ANO3: variants seen among roughly 807,000 people sequenced by gnomAD.
ANO3 encodes anoctamin 3.
Under a neutral mutation model 144.8 loss-of-function variants are expected in ANO3, and 99 were observed. That is an observed-to-expected ratio of 0.68 (90% CI 0.58 to 0.81). The LOEUF is 0.81. ANO3 is among the 30% of genes least tolerant of loss of function. The probability of loss-of-function intolerance (pLI) is 0.00; values close to 1 mark genes in which losing one functional copy is unlikely to be tolerated. For synonymous variants in ANO3, 414 were observed against 392.6 expected (o/e 1.05, Z -0.64); for missense variants, 905 against 1,202.2 (o/e 0.75, Z 3.66).
At chr11:26,314,595 TTTTC>T (rs1854579337) in intron 1 of ANO3, among the ~76,000 whole-genome samples, 1 of 152,104 alleles carries the variant, frequency 6.6e-6, no homozygotes, top group African/African-American at 2.4e-5. Flanking sequence ...CCCTCCTTCT[TTTTC>T]TTTCTTTGTC....
chr11:26,368,557 A>G lies in ANO3; in HGVS notation c.46+36236A>G, dbSNP rs566746738. Reference sequence around the variant, plus strand: ...TGTGTAAGGAAAGGAAGGAAGATGGAAAGAGAAAAAAGAAAGGGTGGGGGA... The same window carrying G: ...TGTGTAAGGAAAGGAAGGAAGATGGGAAGAGAAAAAAGAAAGGGTGGGGGA... On this transcript the variant is annotated intron_variant, in intron 1 of 26. Coordinates refer to ENST00000256737, the MANE Select transcript of ANO3 (RefSeq NM_031418.4). Among the ~76,000 whole-genome samples the G allele has an allele frequency of 3.9e-5, 6 of 152,228 alleles. No individual in the cohort carries two copies. In the South Asian group the frequency reaches 1.0e-3, roughly 26 times the overall value.
At chr11:26,657,134 CT>C (rs1306310880) in intron 26 of ANO3, among the ~76,000 whole-genome samples, 1 of 152,088 alleles carries the variant, frequency 6.6e-6, no homozygotes, top group African/African-American at 2.4e-5. Context: ...AATAAAAAGA[CT>C]TTAAATGAAT....
At chr11:26,371,411 C>G (rs976327590) in intron 1 of ANO3, among the ~76,000 whole-genome samples, 2 of 152,212 alleles carry the variant, frequency 1.3e-5, no homozygotes, top group African/African-American at 4.8e-5. Flanking sequence ...TGGAGAACCT[C>G]TGCAGTGTGG....
intron 4 of ANO3, among the ~76,000 whole-genome samples, chr11:26,493,399 A>G (rs1011684643): frequency 2.6e-5 from 4 of 152,176 alleles, no homozygotes; most frequent in Non-Finnish European, 5.9e-5. Flanking sequence ...TCCAGGGCCA[A>G]TATTGGCTAA....
At chr11:26,471,244 A>G (rs1859771760) in intron 4 of ANO3, among the ~76,000 whole-genome samples, 2 of 151,926 alleles carry the variant, frequency 1.3e-5, no homozygotes, top group African/African-American at 4.8e-5. Flanking sequence ...GTCCAGTTCA[A>G]TCTCTGAGAT....
At chr11:26,523,186 C>T (rs1280115289) in intron 6 of ANO3, among the ~76,000 whole-genome samples, 1 of 152,126 alleles carries the variant, frequency 6.6e-6, no homozygotes, top group Non-Finnish European at 1.5e-5. Flanking sequence ...ATCATGAGAA[C>T]AGCTTGGGGG....
chr11:26,353,967 A>C (rs1360318964), intron 1 of ANO3, among the ~76,000 whole-genome samples: 2 of 152,236 alleles, frequency 1.3e-5, no homozygotes, highest in Non-Finnish European at 2.9e-5. Context: ...ATTGCCTGAC[A>C]CACAGTTGAT....
intron 19 of ANO3, among the ~76,000 whole-genome samples, chr11:26,634,724 T>C (rs1051103862): frequency 1.1e-4 from 16 of 152,224 alleles, no homozygotes; most frequent in African/African-American, 3.9e-4. Context: ...TGCAGCACAT[T>C]ATTGTAATAG....
At chr11:26,598,484 G>GTTTCCCTATTACAGGATATCC in intron 15 of ANO3, 37 bp downstream of exon 15, 1 of 1,406,160 alleles carries the variant, frequency 7.1e-7, no homozygotes, top group South Asian at 1.3e-5. Flanking sequence ...GGGAAACTGG[G>GTTTCCCTATTACAGGATATCC]CTATTACAGG....
intron 1 of ANO3, among the ~76,000 whole-genome samples, chr11:26,259,630 C>T (rs1334913547): frequency 6.6e-6 from 1 of 151,352 alleles, no homozygotes; most frequent in African/African-American, 2.4e-5. Flanking sequence ...GATCATGCCA[C>T]TGCACTCCAG....
In ANO3 at chr11:26,612,864, A is replaced by G. The variant is rs1383512259; in HGVS notation, c.1837-11598A>G. Among the ~76,000 whole-genome samples, 7 of 152,202 alleles carry G rather than the reference A, an allele frequency of 4.6e-5. No individual in the cohort carries two copies. In the East Asian group the frequency reaches 1.2e-3, roughly 25 times the overall value. Reference sequence around the variant, plus strand: ...GCAGTTTCTGTTGAGAAATCTGCTGATAGTCTAATAGGGGCTTCCTTTATA... The same window carrying G: ...GCAGTTTCTGTTGAGAAATCTGCTGGTAGTCTAATAGGGGCTTCCTTTATA... On this transcript the variant is annotated intron_variant, in intron 17 of 26. Transcript: ENST00000256737.
At chr11:26,460,417 AAAG>A (rs1859346735) in intron 3 of ANO3, among the ~76,000 whole-genome samples, 5 of 23,826 alleles carry the variant, frequency 2.1e-4, no homozygotes, top group African/African-American at 6.3e-4. Context: ...AAAGAAGAAG[AAAG>A]GGGGGGGGGC....
At chr11:26,648,431 G>C (rs893115941) in intron 24 of ANO3, among the ~76,000 whole-genome samples, 1 of 152,128 alleles carries the variant, frequency 6.6e-6, no homozygotes, top group African/African-American at 2.4e-5. Flanking sequence ...TGACGTTTTA[G>C]ATCAGGTAAT....
chr11:26,641,676 T>G (rs1045946723), intron 21 of ANO3, among the ~76,000 whole-genome samples: 1 of 152,174 alleles, frequency 6.6e-6, no homozygotes, highest in Non-Finnish European at 1.5e-5. Flanking sequence ...TACTCTCCTA[T>G]GCTAAAGTTT....
intron 24 of ANO3, among the ~76,000 whole-genome samples, chr11:26,648,191 A>G (rs893089550): frequency 8.3e-4 from 126 of 152,124 alleles, no homozygotes; most frequent in African/African-American, 2.9e-3. Context: ...TTCTTACCGT[A>G]TAGATGGGGA....
Position 26,189,275 on chromosome 11 carries a change from ACT to A in ANO3, c.104_105del (p.Ser35TrpfsTer2), listed in dbSNP as rs1466219741. 5 of 984,902 alleles carry A rather than the reference ACT, an allele frequency of 5.1e-6. No homozygotes were observed. The highest frequency in any genetic ancestry group is 1.8e-5 in the African/African-American group (1 of 57,096). The allele number at this position is 984,902 out of a possible 1,614,324, so 61.0% of individuals were successfully genotyped here. On this transcript the variant is annotated frameshift_variant, in exon 1 of 28. Coordinates refer to the ANO3 transcript ENST00000672621. LOFTEE classifies it high-confidence loss of function. ...GTTTTGCTTTACCCTGTTTGACTGAACTCTCTGGTGATTCTAGTCAACTGGAA... is the reference window on the plus strand; with the variant it reads ...GTTTTGCTTTACCCTGTTTGACTGAACTCTGGTGATTCTAGTCAACTGGAA...
chr11:26,430,247 TA>T (rs11439260), intron 1 of ANO3, among the ~76,000 whole-genome samples: 12 of 144,992 alleles, frequency 8.3e-5, no homozygotes, highest in African/African-American at 1.5e-4. Flanking sequence ...AGCAACTGTC[TA>T]AAAAAAAAAA....
At chr11:26,641,228 T>C (rs1286205652) in intron 21 of ANO3, among the ~76,000 whole-genome samples, 2 of 152,226 alleles carry the variant, frequency 1.3e-5, no homozygotes, top group Non-Finnish European at 2.9e-5. Flanking sequence ...ACAGACTTAT[T>C]GCCTAGTAAT....
intron 1 of ANO3, among the ~76,000 whole-genome samples, chr11:26,338,253 T>C (rs1855245267): frequency 6.6e-6 from 1 of 152,160 alleles, no homozygotes. Context: ...TAGAGGATTG[T>C]AAATGCACCA....
Sources: gnomAD v4.1 joint callset for allele counts (sites outside exome capture counted in the v4.1 genomes callset) on GRCh38, gnomAD v4.1.1 for gene constraint, MANE v1.5 for transcripts, NCBI Gene and HGNC (gene_info 2026-07-23, HGNC 2026-07-21) for gene names.